The following SUPT7L variants were observed in gnomAD, a reference collection of about 807,000 sequenced individuals.
SUPT7L encodes SPT7 like, STAGA complex subunit gamma, also known as STAGA complex 65 subunit gamma.
A neutral mutation model predicts 35.7 loss-of-function variants in SUPT7L; 15 were observed. The ratio of observed to expected loss-of-function variants is 0.42; its 90% confidence interval spans 0.28 to 0.65. The LOEUF is 0.65. Ranked by LOEUF, SUPT7L falls within the 30% of genes least tolerant of loss-of-function variation. The probability of loss-of-function intolerance (pLI) is 0.23; values close to 1 mark genes in which losing one functional copy is unlikely to be tolerated. For missense variants in SUPT7L, 434 were observed against 522.2 expected, an observed-to-expected ratio of 0.83 and a Z score of 1.65; for synonymous variants, 168 against 186.2, an observed-to-expected ratio of 0.90 and a Z score of 0.79.
chr2:27,662,616 G>A (rs1675166918), intron 1 of SUPT7L, among the ~76,000 whole-genome samples: 1 of 152,116 alleles, frequency 6.6e-6, no homozygotes, highest in South Asian at 2.1e-4. Context: ...ACAGTGCTTT[G>A]CAAGTCTATG....
chr2:27,653,503 C>T lies in SUPT7L; in HGVS notation c.1227G>A (p.Lys409=). 1 of 1,614,090 alleles carries T rather than the reference C, an allele frequency of 6.2e-7. No homozygotes were observed. Among genetic ancestry groups the T allele is most frequent in the African/African-American group, 1.3e-5 (1 of 75,048 alleles). Residue 409 remains lysine (K), a synonymous_variant, in exon 6 of 6, where the codon AAG becomes AAA. Coordinates refer to ENST00000337768, the MANE Select transcript of SUPT7L (RefSeq NM_014860.3). ...TTTCCTTTTATATTTTCCTCATCCT[C>T]TTCTTGCAGCGCTGGTTGAAAACAG... ...SSPVFNQRCK[K]RMRKI is the part of the protein sequence containing the mutation.
At chr2:27,645,852 C>G (rs571368065), downstream of SUPT7L, among the ~76,000 whole-genome samples, 1 of 151,988 alleles carries the variant, frequency 6.6e-6, no homozygotes, top group African/African-American at 2.4e-5. Context: ...GCCTCAGCCT[C>G]CCAAGTAGCT....
At position 27,653,679 on chromosome 2, in the gene SUPT7L, C is replaced by T. The variant is rs752532224; in HGVS notation, c.1051G>A (p.Glu351Lys). The change falls in exon 6 of 6, where the codon GAA (glutamate) becomes AAA (lysine). Residue 351 changes from glutamate to lysine, a missense_variant. Glu to Lys is a moderately conservative substitution (Grantham distance 56, BLOSUM62 1). Around this residue, in one of 3 missense-constraint regions of SUPT7L, gnomAD observed 159 missense variants for 217.1 expected, o/e 0.73. Coordinates refer to ENST00000337768, the MANE Select transcript of SUPT7L (RefSeq NM_014860.3). ...HVKMEPQESEEGNVSGHGVLG... is the reference protein window; with the variant it reads ...HVKMEPQESEKGNVSGHGVLG... ...ACACCATGCCCAGAGACATTGCCTTCTTCACTTTCTTGAGGCTCCATTTTC... is the reference window on the plus strand; with the variant it reads ...ACACCATGCCCAGAGACATTGCCTTTTTCACTTTCTTGAGGCTCCATTTTC... 6.2e-7 allele frequency: 1 copy of T among 1,614,228 alleles called. No individual in the cohort carries two copies. The highest frequency in any genetic ancestry group is 8.5e-7 in the Non-Finnish European group (1 of 1,180,044).
chr2:27,646,322 A>G (rs1674228409), downstream of SUPT7L, among the ~76,000 whole-genome samples: 1 of 152,186 alleles, frequency 6.6e-6, no homozygotes, highest in Admixed American at 6.5e-5. Flanking sequence ...GATTACAGGC[A>G]TGAGCCACCA....
rs1233969370 is a variant in SUPT7L at position 27,660,885 on chromosome 2, C to G, written c.419+99G>C. 5 of 1,425,490 alleles carry G rather than the reference C, an allele frequency of 3.5e-6. No individual in the cohort carries two copies. In the Admixed American group the frequency reaches 7.9e-5, roughly 23 times the overall value. The allele number at this position is 1,425,490 out of a possible 1,614,324, so 88.3% of individuals were successfully genotyped here. A position where few individuals can be genotyped will look rare whatever the true frequency, so the allele number is the denominator to read the frequency against. On this transcript the variant is annotated intron_variant, in intron 3 of 5. Coordinates refer to ENST00000337768, the MANE Select transcript of SUPT7L (RefSeq NM_014860.3). Reference sequence around the variant, plus strand: ...TGGCCAAGTCAATTACTCTTATCCTCAGTTTCCTCGCATGAAAATGGAAAT... The same window carrying G: ...TGGCCAAGTCAATTACTCTTATCCTGAGTTTCCTCGCATGAAAATGGAAAT...
intron 4 of SUPT7L, among the ~76,000 whole-genome samples, chr2:27,656,104 G>A (rs533936700): frequency 1.3e-5 from 2 of 151,834 alleles, no homozygotes; most frequent in South Asian, 2.1e-4. Flanking sequence ...AGGATCGCTT[G>A]TAGTGAGCTG....
At chr2:27,648,972 C>T (rs1054297665), downstream of SUPT7L, among the ~76,000 whole-genome samples, 2 of 150,806 alleles carry the variant, frequency 1.3e-5, no homozygotes, top group Admixed American at 6.6e-5. Context: ...AGGCCGGGCA[C>T]GGTGGCTCAC....
Position 27,651,214 on chromosome 2 carries a change from A to G in SUPT7L, c.*2271T>C, listed in dbSNP as rs1203665280. The stretch of plus-strand genomic sequence containing the variant: ...TTTTATCTCTATGAGTCAGTACTCC[A>G]ACTTAGTGGTTCTCACATTGTGGAC... On this transcript the variant is annotated 3_prime_UTR_variant, in exon 6 of 6. Transcript: ENST00000337768. The G allele has an allele frequency of 1.3e-5, 2 of 152,292 alleles. No homozygotes were observed. Among genetic ancestry groups the G allele is most frequent in the Non-Finnish European group, 2.9e-5 (2 of 68,048 alleles). 9.4% of individuals were successfully genotyped at this position (152,292 alleles called of 1,614,324 possible). A position where few individuals can be genotyped will look rare whatever the true frequency, so the allele number is the denominator to read the frequency against.
At chr2:27,648,718 C>T (rs191330759), downstream of SUPT7L, among the ~76,000 whole-genome samples, 4 of 152,288 alleles carry the variant, frequency 2.6e-5, no homozygotes, top group African/African-American at 7.2e-5. Context: ...TGACTGCAAC[C>T]GCTGCCTCCC....
At chr2:27,646,299 C>T (rs576255915), downstream of SUPT7L, among the ~76,000 whole-genome samples, 390 of 152,320 alleles carry the variant, frequency 2.6e-3, 2 homozygotes, top group Non-Finnish European at 4.3e-3. Context: ...ATTTCAGCCT[C>T]CCAAAGTGCT....
At chr2:27,660,856 A>C in intron 3 of SUPT7L, 128 bp downstream of exon 3, 1 of 1,274,440 alleles carries the variant, frequency 7.8e-7, no homozygotes, top group Non-Finnish European at 1.1e-6. Context: ...ACCTGGAGAA[A>C]CCTTGGCCAA....
the SUPT7L span, among the ~76,000 whole-genome samples, chr2:27,642,950 T>TACAC: frequency 2.4e-4 from 9 of 37,584 alleles, no homozygotes; most frequent in Admixed American, 4.4e-4. Context: ...GTTTTATATA[T>TACAC]ATATATATAC....
Position 27,653,657 on chromosome 2 carries a change from C to G in SUPT7L, c.1073G>C (p.Gly358Ala). 6.2e-7 allele frequency: 1 copy of G among 1,614,174 alleles called. No individual in the cohort carries two copies. ...CTCGAAGACATCACTGCCCAGCACA[C>G]CATGCCCAGAGACATTGCCTTCTTC... ...ESEEGNVSGH[G>A]VLGSDVFEEP... Residue 358 changes from glycine to alanine, a missense_variant, in exon 6 of 6, where the codon GGT becomes GCT. Gly to Ala is a moderately conservative substitution (Grantham distance 60). Transcript: ENST00000337768.
Position 27,651,496 on chromosome 2 carries a change from G to A in SUPT7L, c.*1989C>T, listed in dbSNP as rs1674548858. On this transcript the variant is annotated 3_prime_UTR_variant, in exon 6 of 6. Transcript: ENST00000337768. ...TTTAACATTCTGCAGCAATAAAAGT[G>A]TTTTATTATAAAGTATTAATTTTAA... 1 of 152,338 alleles carries A rather than the reference G, an allele frequency of 6.6e-6. No individual in the cohort carries two copies. The highest frequency in any genetic ancestry group is 2.4e-5 in the African/African-American group (1 of 41,436). 9.4% of individuals were successfully genotyped at this position (152,338 alleles called of 1,614,324 possible). A position where few individuals can be genotyped will look rare whatever the true frequency, so the allele number is the denominator to read the frequency against.
rs1315837299 is a variant in SUPT7L at position 27,651,143 on chromosome 2, C to T, written c.*2342G>A. On this transcript the variant is annotated 3_prime_UTR_variant, in exon 6 of 6. Coordinates refer to ENST00000337768, the MANE Select transcript of SUPT7L (RefSeq NM_014860.3). Reference sequence around the variant, plus strand: ...CAGCCCTTATAAACGTTTGCCCTGCCTCCACATTTTACAGTATCTTAAAAC... The same window carrying T: ...CAGCCCTTATAAACGTTTGCCCTGCTTCCACATTTTACAGTATCTTAAAAC... The T allele has an allele frequency of 6.6e-6, 1 of 152,372 alleles. No individual in the cohort carries two copies. The highest frequency in any genetic ancestry group is 1.5e-5 in the Non-Finnish European group (1 of 68,042). 9.4% of individuals were successfully genotyped at this position (152,372 alleles called of 1,614,324 possible).
chr2:27,650,170 G>A (rs377281945), downstream of SUPT7L: 73 of 1,602,464 alleles, frequency 4.6e-5, no homozygotes, highest in Non-Finnish European at 6.1e-5. Flanking sequence ...AAGAATCGAT[G>A]GCACAATACT....
At chr2:27,646,549 T>C (rs548913036), downstream of SUPT7L, among the ~76,000 whole-genome samples, 36 of 152,290 alleles carry the variant, frequency 2.4e-4, no homozygotes, top group East Asian at 5.0e-3. Flanking sequence ...TTAGGTTAGT[T>C]TTCATTTACA....
At chr2:27,647,771 GTTAC>G (rs1409244176), downstream of SUPT7L, 2 of 905,688 alleles carry the variant, frequency 2.2e-6, no homozygotes, top group African/African-American at 1.6e-5. Flanking sequence ...TATGATCATA[GTTAC>G]TTAGTGATTC....
intron 2 of SUPT7L, chr2:27,661,978 T>C: frequency 1.4e-6 from 1 of 689,846 alleles, no homozygotes; most frequent in Non-Finnish European, 2.4e-6. Context: ...ACTTTTGACA[T>C]ATAGAACGTG....
Sources: gnomAD v4.1 joint callset for allele counts (sites outside exome capture counted in the v4.1 genomes callset) on GRCh38, gnomAD v4.1.1 for gene constraint, gnomAD v4.1.1 regional missense constraint, MANE v1.5 for transcripts, NCBI Gene and HGNC (gene_info 2026-07-23, HGNC 2026-07-21) for gene names.